RUBCN: variants seen among roughly 807,000 people sequenced by gnomAD.
RUBCN encodes the protein run domain Beclin-1-interacting and cysteine-rich domain-containing protein.
Under a neutral mutation model 113.2 loss-of-function variants are expected in RUBCN, and 74 were observed. The observed-to-expected ratio is 0.65, with a 90% CI of 0.54 to 0.79. RUBCN has a LOEUF of 0.79. RUBCN is among the 30% of genes least tolerant of loss of function. The probability of loss-of-function intolerance (pLI) is 0.00; values close to 1 mark genes in which losing one functional copy is unlikely to be tolerated. For missense variants in RUBCN, 1,109 were observed against 1,251.7 expected, an observed-to-expected ratio of 0.89 and a Z score of 1.72; for synonymous variants, 480 against 490.0, an observed-to-expected ratio of 0.98 and a Z score of 0.27.
upstream of RUBCN, chr3:197,749,761 G>C (rs1728929394): frequency 5.2e-6 from 3 of 576,618 alleles, no homozygotes; most frequent in Non-Finnish European, 9.5e-6. Context: ...GATCCTGCGA[G>C]GGCCGCTAGG....
In RUBCN at chr3:197,675,330, T is replaced by G; in HGVS notation, c.2740+92A>C. On this transcript the variant is annotated intron_variant, in intron 19 of 19. Transcript: ENST00000296343. This position sits in a 1 kb window ranked among gnomAD's most constrained non-coding sequence, Gnocchi z 4.4. ...TGGGGAGGCCCCGCGAGGTGCTGAG[T>G]GGCACCGAACTCTTGCTAACAGGGG... 1 of 1,497,020 alleles carries G rather than the reference T, an allele frequency of 6.7e-7. No homozygotes were observed. The highest frequency in any genetic ancestry group is 9.3e-7 in the Non-Finnish European group (1 of 1,075,834). 92.7% of individuals were successfully genotyped at this position (1,497,020 alleles called of 1,614,324 possible). A position where few individuals can be genotyped will look rare whatever the true frequency, so the allele number is the denominator to read the frequency against.
At chr3:197,727,022 C>T (rs1439515555) in intron 1 of RUBCN, among the ~76,000 whole-genome samples, 2 of 151,158 alleles carry the variant, frequency 1.3e-5, no homozygotes, top group Admixed American at 6.6e-5. Context: ...TCACTGCAAC[C>T]TCCGCCTCCC....
intron 1 of RUBCN, among the ~76,000 whole-genome samples, chr3:197,729,603 G>C (rs1727190199): frequency 6.6e-6 from 1 of 151,836 alleles, no homozygotes. Context: ...CTGTTGCCCA[G>C]GGTGGAGTGC....
rs774421496 is a variant in RUBCN at position 197,682,580 on chromosome 3, C to G, written c.2016G>C (p.Pro672=). The change falls in exon 14 of 20, where the codon CCG becomes CCC. Residue 672 remains proline, a synonymous_variant. Coordinates refer to ENST00000296343, the MANE Select transcript of RUBCN (RefSeq NM_014687.4). ...LPIPDSLPIS[P]DDGQHADIYK... ...AGATGTCAGCGTGCTGCCCGTCATCCGGTGAGATGGGCAGTGAGTCAGGAA... is the reference window on the plus strand; with the variant it reads ...AGATGTCAGCGTGCTGCCCGTCATCGGGTGAGATGGGCAGTGAGTCAGGAA... 5 of 1,613,822 alleles carry G rather than the reference C, an allele frequency of 3.1e-6. No individual in the cohort carries two copies. The highest frequency in any genetic ancestry group is 4.2e-6 in the Non-Finnish European group (5 of 1,179,972).
At chr3:197,686,962 C>A (rs1027836150) in intron 11 of RUBCN, among the ~76,000 whole-genome samples, 28 of 152,152 alleles carry the variant, frequency 1.8e-4, no homozygotes, top group African/African-American at 6.0e-4. Context: ...AAAACAATGA[C>A]AAGTTATAAG....
At chr3:197,699,345 G>A in intron 7 of RUBCN, 1 of 714,444 alleles carries the variant, frequency 1.4e-6, no homozygotes, top group Non-Finnish European at 2.4e-6. Flanking sequence ...GAACTCCCAA[G>A]AGGAAACCCC....
intron 2 of RUBCN, among the ~76,000 whole-genome samples, chr3:197,716,317 A>G (rs1190898555): frequency 1.3e-5 from 2 of 152,184 alleles, no homozygotes; most frequent in Non-Finnish European, 2.9e-5. Flanking sequence ...TAGTAGATAC[A>G]GAGTTTCACC....
chr3:197,743,139 G>A (rs921666332), intron 1 of RUBCN, among the ~76,000 whole-genome samples: 6 of 152,234 alleles, frequency 3.9e-5, no homozygotes, highest in African/African-American at 1.4e-4. Context: ...TAGCTGAGGC[G>A]GGCAGGCTCC....
chr3:197,740,186 G>T (rs919223311), upstream of RUBCN, among the ~76,000 whole-genome samples: 1 of 151,892 alleles, frequency 6.6e-6, no homozygotes, highest in African/African-American at 2.4e-5. Flanking sequence ...CTAGCCATGC[G>T]TTACCTATCC....
In RUBCN at chr3:197,703,889, C is replaced by A. The variant is rs139054043; in HGVS notation, c.464-235G>T. ...TGGCTCTGAGTGACTTTGGCCAAGT[C>A]GCCTAACCTCCTGGAGCCCTGTGGA... On this transcript the variant is annotated intron_variant, in intron 4 of 19. Coordinates refer to ENST00000296343, the MANE Select transcript of RUBCN (RefSeq NM_014687.4). 6.2e-4 allele frequency among the ~76,000 whole-genome samples: 94 copies of A among 152,264 alleles called. 2 individuals carry two copies. The East Asian group carries it at 0.017, about 27-fold the overall frequency.
intron 9 of RUBCN, among the ~76,000 whole-genome samples, chr3:197,694,967 G>A (rs1030189853): frequency 2.8e-4 from 43 of 152,336 alleles, no homozygotes; most frequent in Non-Finnish European, 4.9e-4. Flanking sequence ...TTGCTTATCT[G>A]AGCCTTAGAA....
At chr3:197,736,380 C>T (rs553806883) in intron 1 of RUBCN, among the ~76,000 whole-genome samples, 46 of 152,202 alleles carry the variant, frequency 3.0e-4, no homozygotes, top group African/African-American at 1.0e-3. Context: ...CTGCCACCTC[C>T]TCTCCAGCAG....
chr3:197,708,185 G>C (rs1484967691), intron 2 of RUBCN, among the ~76,000 whole-genome samples: 1 of 151,796 alleles, frequency 6.6e-6, no homozygotes, highest in Non-Finnish European at 1.5e-5. Flanking sequence ...ACCCAGGCTG[G>C]AGTGCAATGG....
Position 197,681,467 on chromosome 3 carries a change from C to A in RUBCN, c.2192-100G>T. ...CCTTGAAAGGGCAGAGAGGGACAGC[C>A]AATGGCCTCCAGCAACCTCTGTCTG... On this transcript the variant is annotated intron_variant, in intron 15 of 19. Coordinates refer to ENST00000296343, the MANE Select transcript of RUBCN (RefSeq NM_014687.4). This position sits in a 1 kb window ranked among gnomAD's most constrained non-coding sequence, Gnocchi z 5.5. The A allele has an allele frequency of 1.1e-6, 1 of 869,646 alleles. No homozygotes were observed. Among genetic ancestry groups the A allele is most frequent in the Non-Finnish European group, 1.9e-6 (1 of 527,764 alleles). The allele number at this position is 869,646 out of a possible 1,614,324, so 53.9% of individuals were successfully genotyped here.
At chr3:197,721,588 T>C (rs533658510) in intron 1 of RUBCN, among the ~76,000 whole-genome samples, 60 of 152,242 alleles carry the variant, frequency 3.9e-4, no homozygotes, top group Admixed American at 5.9e-4. Context: ...TCATTCTCTA[T>C]TTCATTTATT....
chr3:197,732,725 G>A (rs542381693), intron 1 of RUBCN, among the ~76,000 whole-genome samples: 21 of 152,284 alleles, frequency 1.4e-4, no homozygotes, highest in East Asian at 7.7e-4. Context: ...ATAGCTAGAC[G>A]GAAAACAATA....
intron 8 of RUBCN, 33 bp downstream of exon 8, chr3:197,696,921 T>C (rs763487878): frequency 8.5e-6 from 10 of 1,175,916 alleles, no homozygotes; most frequent in East Asian, 2.3e-5. Context: ...AGAGAAAATA[T>C]ACAATTTTAG....
intron 2 of RUBCN, among the ~76,000 whole-genome samples, chr3:197,717,670 G>A (rs1725699821): frequency 6.6e-6 from 1 of 152,182 alleles, no homozygotes; most frequent in Non-Finnish European, 1.5e-5. Context: ...ACTGTAAGAT[G>A]ATAAATCTGT....
intron 1 of RUBCN, among the ~76,000 whole-genome samples, chr3:197,726,141 T>A (rs1056673299): frequency 1.3e-5 from 2 of 152,258 alleles, no homozygotes; most frequent in Non-Finnish European, 2.9e-5. Context: ...CCATTCCTTC[T>A]AAAAATACTT....
Sources: gnomAD v4.1 joint callset for allele counts (sites outside exome capture counted in the v4.1 genomes callset) on GRCh38, gnomAD v4.1.1 for gene constraint, Gnocchi (gnomAD v3.1) non-coding constraint, MANE v1.5 for transcripts, NCBI Gene and HGNC (gene_info 2026-07-23, HGNC 2026-07-21) for gene names.